The following PRKCI variants were observed in gnomAD, a reference collection of about 807,000 sequenced individuals.
PRKCI encodes protein kinase C iota, also known as protein kinase C iota type.
Under a neutral mutation model 84.0 loss-of-function variants are expected in PRKCI, and 43 were observed. The observed-to-expected ratio is 0.51, with a 90% CI of 0.40 to 0.66. PRKCI has a LOEUF of 0.66. Among genes scored for constraint, PRKCI ranks in the 30% least tolerant of loss-of-function variants. The pLI is 0.00. For missense variants in PRKCI, 459 were observed against 745.6 expected (o/e 0.62, Z 4.48); for synonymous variants, 216 against 234.4 (o/e 0.92, Z 0.72).
intron 8 of PRKCI, among the ~76,000 whole-genome samples, chr3:170,276,055 T>C (rs1734106047): frequency 1.3e-5 from 2 of 151,382 alleles, no homozygotes; most frequent in South Asian, 4.2e-4. Context: ...CACCTTAGCC[T>C]CCCGAGTAGC....
chr3:170,264,706 G>A (rs937748395), intron 4 of PRKCI, among the ~76,000 whole-genome samples: 1 of 152,170 alleles, frequency 6.6e-6, no homozygotes, highest in East Asian at 1.9e-4. Context: ...ACAGTGGAAC[G>A]GTGATTCTTA....
chr3:170,222,553 G>A lies in PRKCI; in HGVS notation c.-117G>A, dbSNP rs938398632. ...GTCGGCGCTGCGGGCGAGGTGGGCA[G>A]GTAGGTGGGCGGACGGCCGCGGTTC... On this transcript the variant is annotated 5_prime_UTR_variant, in exon 1 of 18. Coordinates refer to ENST00000295797, the MANE Select transcript of PRKCI (RefSeq NM_002740.6). 2.3e-6 allele frequency: 2 copies of A among 882,180 alleles called. No individual in the cohort carries two copies. Among genetic ancestry groups the A allele is most frequent in the East Asian group, 3.2e-5 (1 of 30,996 alleles). The allele number at this position is 882,180 out of a possible 1,614,324, so 54.6% of individuals were successfully genotyped here. A position where few individuals can be genotyped will look rare whatever the true frequency, so the allele number is the denominator to read the frequency against.
rs147316934 is a variant in PRKCI, at chr3:170,283,568, T to C, written c.1068-893T>C. On this transcript the variant is annotated intron_variant, in intron 11 of 17. Transcript: ENST00000295797. ...TGTGTATTTATGCCTTATCAAATGG[T>C]CACCCTTCATAGAGCCACAGATGAT... 4.7e-3 allele frequency among the ~76,000 whole-genome samples: 709 copies of C among 152,334 alleles called. 8 individuals carry two copies. Among genetic ancestry groups the C allele is most frequent in the African/African-American group, 0.017 (689 of 41,588 alleles).
intron 1 of PRKCI, among the ~76,000 whole-genome samples, chr3:170,233,516 A>G (rs1577340117): frequency 6.6e-6 from 1 of 152,166 alleles, no homozygotes; most frequent in African/African-American, 2.4e-5. Context: ...TTAGAATGTA[A>G]TATCTTTATT....
intron 11 of PRKCI, among the ~76,000 whole-genome samples, chr3:170,282,880 G>A (rs1234042072): frequency 6.6e-6 from 1 of 151,876 alleles, no homozygotes; most frequent in Admixed American, 6.6e-5. Context: ...GCCGAGGCGG[G>A]TGGATCATGA....
chr3:170,226,278 A>T (rs372549669), intron 1 of PRKCI, among the ~76,000 whole-genome samples: 4 of 152,266 alleles, frequency 2.6e-5, no homozygotes, highest in South Asian at 4.1e-4. Flanking sequence ...TGGACACCAC[A>T]TCTTACTTAG....
At chr3:170,266,249 G>T (rs765845113) in intron 4 of PRKCI, among the ~76,000 whole-genome samples, 8 of 152,124 alleles carry the variant, frequency 5.3e-5, no homozygotes, top group Admixed American at 1.3e-4. Flanking sequence ...ATGAAAAGTT[G>T]TTGGGGAAAA....
intron 1 of PRKCI, among the ~76,000 whole-genome samples, chr3:170,230,840 A>G (rs1732769077): frequency 6.6e-6 from 1 of 151,728 alleles, no homozygotes; most frequent in Non-Finnish European, 1.5e-5. Flanking sequence ...CTATTGTTTC[A>G]TTGATTTTAG....
intron 2 of PRKCI, among the ~76,000 whole-genome samples, chr3:170,246,222 A>G (rs1014262228): frequency 1.3e-5 from 2 of 151,880 alleles, no homozygotes; most frequent in African/African-American, 2.4e-5. Flanking sequence ...GCATGATCTT[A>G]GCCCACTGCA....
intron 8 of PRKCI, among the ~76,000 whole-genome samples, chr3:170,277,405 T>C (rs1203041521): frequency 6.6e-6 from 1 of 152,028 alleles, no homozygotes; most frequent in Non-Finnish European, 1.5e-5. Context: ...CCAGTCAGAA[T>C]AGCTGTTACT....
chr3:170,244,310 G>A (rs1027781834), intron 2 of PRKCI, among the ~76,000 whole-genome samples: 2 of 152,106 alleles, frequency 1.3e-5, no homozygotes, highest in African/African-American at 4.8e-5. Context: ...GAGGGGCCTG[G>A]AGATGGAGTT....
chr3:170,296,870 T>C (rs1214440546), intron 15 of PRKCI, among the ~76,000 whole-genome samples: 1 of 152,184 alleles, frequency 6.6e-6, no homozygotes, highest in Non-Finnish European at 1.5e-5. Flanking sequence ...CAGATAATGG[T>C]TGTATCATTG....
intron 7 of PRKCI, among the ~76,000 whole-genome samples, chr3:170,274,022 A>G (rs1734057732): frequency 1.3e-5 from 2 of 152,054 alleles, no homozygotes; most frequent in African/African-American, 2.4e-5. Context: ...TTTCTAGTTC[A>G]CATAAATTTC....
intron 2 of PRKCI, 34 bp downstream of exon 2, chr3:170,235,385 AT>A: frequency 6.2e-7 from 1 of 1,606,942 alleles, no homozygotes; most frequent in South Asian, 1.1e-5. Context: ...CTGTGTAAGC[AT>A]TTTAAGATCT....
In PRKCI at chr3:170,237,200, A is replaced by G. The variant is rs1346157644; in HGVS notation, c.223+1849A>G. Among the ~76,000 whole-genome samples, 3 of 152,264 alleles carry G rather than the reference A, an allele frequency of 2.0e-5. No individual in the cohort carries two copies. In the East Asian group the frequency reaches 5.8e-4, roughly 29 times the overall value. On this transcript the variant is annotated intron_variant, in intron 2 of 17. Coordinates refer to ENST00000295797, the MANE Select transcript of PRKCI (RefSeq NM_002740.6). ...TGAGTGAAAAGCAGTAATTCACTGT[A>G]TCTGAAGTATGAAGTGGTGAAGTAT...
intron 3 of PRKCI, among the ~76,000 whole-genome samples, chr3:170,262,679 T>C (rs995918664): frequency 2.6e-5 from 4 of 151,984 alleles, no homozygotes; most frequent in Admixed American, 2.6e-4. Context: ...GACAGAGTTT[T>C]ACCATGTTGG....
intron 2 of PRKCI, among the ~76,000 whole-genome samples, chr3:170,247,163 G>A (rs189811659): frequency 1.3e-5 from 2 of 151,794 alleles, no homozygotes; most frequent in Non-Finnish European, 2.9e-5. Flanking sequence ...CCAGGCTCAA[G>A]CAGTCCTCCC....
intron 3 of PRKCI, among the ~76,000 whole-genome samples, chr3:170,260,873 C>A (rs1733707877): frequency 6.6e-6 from 1 of 152,168 alleles, no homozygotes; most frequent in Non-Finnish European, 1.5e-5. Context: ...CGTTGTAGAC[C>A]TGGATTGTGA....
At chr3:170,284,892 A>G (rs1328857960) in intron 12 of PRKCI, among the ~76,000 whole-genome samples, 2 of 152,214 alleles carry the variant, frequency 1.3e-5, no homozygotes, top group African/African-American at 2.4e-5. Flanking sequence ...CTGCAATTCC[A>G]CTACTTAACA....
Sources: allele counts gnomAD v4.1 joint callset (sites outside exome capture counted in the v4.1 genomes callset), GRCh38; gene constraint gnomAD v4.1.1; transcripts MANE v1.5; gene names NCBI Gene and HGNC (gene_info 2026-07-23, HGNC 2026-07-21).